Variants in SH3RF2 observed in about 807,000 individuals in gnomAD.
SH3RF2 encodes SH3 domain containing ring finger 2.
Under a neutral mutation model 59.0 loss-of-function variants are expected in SH3RF2, and 43 were observed. The observed-to-expected ratio is 0.73, with a 90% CI of 0.57 to 0.94. The LOEUF (loss-of-function observed/expected upper bound fraction) is 0.94, where lower values mean the gene tolerates loss of function less well. SH3RF2 is among the 40% of genes least tolerant of loss of function. The pLI is 0.00. For synonymous variants in SH3RF2, 391 were observed against 391.5 expected, an observed-to-expected ratio of 1.00 and a Z score of 0.01; for missense variants, 930 against 940.1, an observed-to-expected ratio of 0.99 and a Z score of 0.14.
intron 9 of SH3RF2, among the ~76,000 whole-genome samples, chr5:146,060,807 T>C (rs1057152167): frequency 6.6e-6 from 1 of 152,248 alleles, no homozygotes; most frequent in East Asian, 1.9e-4. Context: ...TTGTGACCTC[T>C]GTGGCAGACG....
intron 2 of SH3RF2, among the ~76,000 whole-genome samples, chr5:145,999,025 TA>T (rs34669232): frequency 2.0e-5 from 3 of 150,654 alleles, no homozygotes; most frequent in Admixed American, 6.6e-5. Flanking sequence ...ACTTTATTAC[TA>T]AAAAAAAAAC....
downstream of SH3RF2, among the ~76,000 whole-genome samples, chr5:146,064,822 AAG>A (rs1283461431): frequency 4.2e-4 from 5 of 12,008 alleles, no homozygotes; most frequent in African/African-American, 4.8e-4. Context: ...GAAAGAAAGA[AAG>A]AAAGAAAGAA....
intron 4 of SH3RF2, among the ~76,000 whole-genome samples, chr5:146,005,201 A>G (rs1190335913): frequency 6.6e-6 from 1 of 152,288 alleles, no homozygotes; most frequent in African/African-American, 2.4e-5. Flanking sequence ...TAGGCTATGT[A>G]TAGCTCCAGT....
chr5:146,010,701 C>T (rs541677441), intron 4 of SH3RF2, among the ~76,000 whole-genome samples: 3 of 152,118 alleles, frequency 2.0e-5, no homozygotes, highest in Admixed American at 2.0e-4. Context: ...ACGTTCATAT[C>T]TTTTGCCCAC....
chr5:146,070,906 C>A (rs1413203908), intron 9 of SH3RF2, among the ~76,000 whole-genome samples: 1 of 152,220 alleles, frequency 6.6e-6, no homozygotes, highest in Non-Finnish European at 1.5e-5. Context: ...CAAAAGACAT[C>A]TGCAGAGGCT....
At chr5:145,953,424 G>C (rs1758268004) in intron 2 of SH3RF2, among the ~76,000 whole-genome samples, 1 of 152,118 alleles carries the variant, frequency 6.6e-6, no homozygotes, top group Non-Finnish European at 1.5e-5. Context: ...GTGGCTGAGG[G>C]GTGGTAAGCA....
At chr5:145,964,272 T>A (rs1368128696) in intron 2 of SH3RF2, among the ~76,000 whole-genome samples, 3 of 122,984 alleles carry the variant, frequency 2.4e-5, no homozygotes, top group African/African-American at 9.3e-5. Context: ...TTTCCCTTCT[T>A]TTCCTTCCTT....
intron 7 of SH3RF2, among the ~76,000 whole-genome samples, chr5:146,049,557 T>G (rs1194159417): frequency 6.6e-6 from 1 of 152,086 alleles, no homozygotes; most frequent in Admixed American, 6.6e-5. Context: ...AAGAACTGGA[T>G]GTCAGGTTTT....
intron 2 of SH3RF2, among the ~76,000 whole-genome samples, chr5:145,987,431 C>G (rs1488900618): frequency 6.6e-6 from 1 of 152,092 alleles, no homozygotes; most frequent in Admixed American, 6.6e-5. Flanking sequence ...TGAGAACATA[C>G]AACGGAGAAA....
At chr5:146,067,113 C>G (rs955527818), downstream of SH3RF2, among the ~76,000 whole-genome samples, 2 of 152,132 alleles carry the variant, frequency 1.3e-5, no homozygotes, top group African/African-American at 4.8e-5. Context: ...CCTCCTCCAC[C>G]CTTCACCCAT....
At chr5:145,947,616 A>C (rs889331119) in intron 2 of SH3RF2, among the ~76,000 whole-genome samples, 6 of 152,202 alleles carry the variant, frequency 3.9e-5, no homozygotes, top group African/African-American at 1.4e-4. Flanking sequence ...ACCTGGGGAT[A>C]ATAAAAATCA....
chr5:146,031,879 A>G (rs11742606), intron 5 of SH3RF2, among the ~76,000 whole-genome samples: 2,290 of 152,020 alleles, frequency 0.015, 58 homozygotes, highest in African/African-American at 0.051. Flanking sequence ...CATCCCCAGC[A>G]CCATCCCTTC....
chr5:146,062,559 C>A lies in SH3RF2; in HGVS notation c.2048C>A (p.Pro683Gln). The change falls in exon 10 of 10, where the codon CCA becomes CAA. Residue 683 changes from proline (P) to glutamine (Q), a missense_variant. By Grantham distance (76) the Pro-to-Gln change is moderately conservative. Transcript: ENST00000359120. Reference sequence around the variant, plus strand: ...CAGCCTGAAGCAGCGTCCTTGGGCCCAGAGATGACCGTCCTATTTGCCCAC... The same window carrying A: ...CAGCCTGAAGCAGCGTCCTTGGGCCAAGAGATGACCGTCCTATTTGCCCAC... ...ASQPEAASLG[P>Q]EMTVLFAHRS... 1 of 1,614,192 alleles carries A rather than the reference C, an allele frequency of 6.2e-7. No individual in the cohort carries two copies. Among genetic ancestry groups the A allele is most frequent in the South Asian group, 1.1e-5 (1 of 91,084 alleles).
At position 146,060,863 on chromosome 5, in the gene SH3RF2, G is replaced by C. The variant is rs72820421; in HGVS notation, c.1914+639G>C. 3.4e-3 allele frequency among the ~76,000 whole-genome samples: 519 copies of C among 152,316 alleles called. 5 individuals are homozygous for C. Among genetic ancestry groups the C allele is most frequent in the South Asian group, 0.01 (49 of 4,826 alleles). On this transcript the variant is annotated intron_variant, in intron 9 of 9. Transcript: ENST00000359120. ...TCCAGGATATTTCCCACTAGAAGAC[G>C]TGAGAGTTTTTGTAAAAGGCTTATG...
In SH3RF2 at chr5:146,063,040, C is replaced by G; in HGVS notation, c.*339C>G. 1 of 281,828 alleles carries G rather than the reference C, an allele frequency of 3.5e-6. No homozygotes were observed. The highest frequency in any genetic ancestry group is 5.0e-5 in the Admixed American group (1 of 19,812). 17.5% of individuals were successfully genotyped at this position (281,828 alleles called of 1,614,324 possible). A position where few individuals can be genotyped will look rare whatever the true frequency, so the allele number is the denominator to read the frequency against. On this transcript the variant is annotated 3_prime_UTR_variant, in exon 10 of 10. Coordinates refer to ENST00000359120, the MANE Select transcript of SH3RF2 (RefSeq NM_152550.4). The stretch of plus-strand genomic sequence containing the variant: ...TTACTGTGTAGAATTTCTATGGTGT[C>G]CTAAAGGGGGCTGCAGCAGGGGTGT...
chr5:146,048,868 G>T (rs929734873), intron 6 of SH3RF2, among the ~76,000 whole-genome samples: 4 of 152,110 alleles, frequency 2.6e-5, no homozygotes, highest in Admixed American at 6.6e-5. Flanking sequence ...TGTTGGCCAG[G>T]CTGGTCTCGA....
intron 4 of SH3RF2, among the ~76,000 whole-genome samples, chr5:146,004,623 T>C (rs902184415): frequency 6.6e-6 from 1 of 152,078 alleles, no homozygotes; most frequent in Admixed American, 6.6e-5. Flanking sequence ...ATGAAAAAAG[T>C]GTCTCTCTAT....
downstream of SH3RF2, among the ~76,000 whole-genome samples, chr5:146,064,739 G>GA (rs1164909528): frequency 0.033 from 263 of 8,082 alleles, 6 homozygotes; most frequent in Non-Finnish European, 0.07. Flanking sequence ...AGGAAGGAAG[G>GA]AAGGAAGGAA....
chr5:146,046,920 C>T (rs1762324339), intron 5 of SH3RF2, among the ~76,000 whole-genome samples: 1 of 152,092 alleles, frequency 6.6e-6, no homozygotes, highest in South Asian at 2.1e-4. Flanking sequence ...CCTGCCATCA[C>T]ACCCAGCTAA....
Sources: allele counts gnomAD v4.1 joint callset (sites outside exome capture counted in the v4.1 genomes callset), GRCh38; gene constraint gnomAD v4.1.1; transcripts MANE v1.5; gene names NCBI Gene and HGNC (gene_info 2026-07-23, HGNC 2026-07-21).